The following FAM13A variants were observed in gnomAD, a reference collection of about 807,000 sequenced individuals.
The protein encoded by FAM13A is protein FAM13A.
FAM13A carries 76 observed loss-of-function variants against 129.6 expected under a neutral mutation model. The observed-to-expected ratio is 0.59, with a 90% CI of 0.49 to 0.71. FAM13A has a LOEUF of 0.71. FAM13A is among the 30% of genes least tolerant of loss of function. The pLI is 0.00. For missense variants in FAM13A, 1,108 were observed against 1,249.3 expected, an observed-to-expected ratio of 0.89 and a Z score of 1.70; for synonymous variants, 443 against 449.9, an observed-to-expected ratio of 0.98 and a Z score of 0.20.
intron 6 of FAM13A, among the ~76,000 whole-genome samples, chr4:88,878,159 G>T (rs11944041): frequency 0.27 from 41,097 of 151,496 alleles, 6,106 homozygotes; most frequent in Middle Eastern, 0.37. Flanking sequence ...GCGTGGTGGC[G>T]GGTGCCTGTA....
intron 5 of FAM13A, among the ~76,000 whole-genome samples, chr4:88,920,455 C>A (rs547829252): frequency 2.0e-5 from 3 of 152,308 alleles, no homozygotes; most frequent in Admixed American, 6.5e-5. Flanking sequence ...TGGAGTGGAC[C>A]TCTAGCAAAC....
chr4:88,970,412 G>A (rs1759913933), intron 4 of FAM13A, among the ~76,000 whole-genome samples: 1 of 150,478 alleles, frequency 6.6e-6, no homozygotes, highest in Non-Finnish European at 1.5e-5. Context: ...TAAAGGTCTT[G>A]GAAACAAGAG....
intron 7 of FAM13A, among the ~76,000 whole-genome samples, chr4:88,821,599 T>C (rs909378200): frequency 6.6e-6 from 1 of 152,170 alleles, no homozygotes; most frequent in Non-Finnish European, 1.5e-5. Context: ...AATATTCTTA[T>C]CTAGAATACA....
chr4:89,046,868 A>T (rs1770923204), intron 1 of FAM13A, among the ~76,000 whole-genome samples: 1 of 152,182 alleles, frequency 6.6e-6, no homozygotes, highest in African/African-American at 2.4e-5. Context: ...AAAGAAAAGT[A>T]ACTCAAAGAG....
intron 3 of FAM13A, among the ~76,000 whole-genome samples, chr4:89,015,582 TA>T (rs1330657287): frequency 6.6e-6 from 1 of 152,256 alleles, no homozygotes; most frequent in African/African-American, 2.4e-5. Flanking sequence ...CTGCCTGTGA[TA>T]AAATTTATTT....
chr4:89,017,474 G>C (rs1274010525), intron 3 of FAM13A, among the ~76,000 whole-genome samples: 2 of 151,726 alleles, frequency 1.3e-5, no homozygotes, highest in East Asian at 3.9e-4. Flanking sequence ...TCTATAAATA[G>C]TAATAAAAAT....
At chr4:88,822,316 T>C (rs954933950) in intron 7 of FAM13A, among the ~76,000 whole-genome samples, 3 of 152,126 alleles carry the variant, frequency 2.0e-5, no homozygotes, top group African/African-American at 4.8e-5. Context: ...TGTTTAAATT[T>C]ACCTTTCTCT....
intron 3 of FAM13A, among the ~76,000 whole-genome samples, chr4:88,998,762 A>T (rs1763875905): frequency 6.6e-6 from 1 of 152,186 alleles, no homozygotes; most frequent in African/African-American, 2.4e-5. Context: ...ACAGAATCAG[A>T]CTGGGTTTTA....
intron 4 of FAM13A, among the ~76,000 whole-genome samples, chr4:88,942,199 A>G (rs747735484): frequency 1.3e-5 from 2 of 152,192 alleles, no homozygotes; most frequent in Non-Finnish European, 2.9e-5. Context: ...ACTGTTTTCT[A>G]AGAGGTGCAC....
At position 88,744,676 on chromosome 4, in the gene FAM13A, C is replaced by A. The variant is rs137951555; in HGVS notation, c.2466+2256G>T. ...TCTAAGAAGAGTGTTGTCCGCATGGCATTTACAGTCCAGGGTCCATGGTAA... is the reference window on the plus strand; with the variant it reads ...TCTAAGAAGAGTGTTGTCCGCATGGAATTTACAGTCCAGGGTCCATGGTAA... On this transcript the variant is annotated intron_variant, in intron 19 of 23. Coordinates refer to ENST00000264344, the MANE Select transcript of FAM13A (RefSeq NM_014883.4). Among the ~76,000 whole-genome samples, 12 of 152,256 alleles carry A rather than the reference C, an allele frequency of 7.9e-5. No homozygotes were observed. In the East Asian group the frequency reaches 2.3e-3, roughly 29 times the overall value.
intron 6 of FAM13A, among the ~76,000 whole-genome samples, chr4:88,887,384 T>C (rs1222178507): frequency 6.6e-6 from 1 of 152,200 alleles, no homozygotes; most frequent in Non-Finnish European, 1.5e-5. Flanking sequence ...AAATATTCCA[T>C]AATGAGCTCA....
chr4:88,863,420 T>C (rs1739851392), intron 6 of FAM13A, among the ~76,000 whole-genome samples: 1 of 152,200 alleles, frequency 6.6e-6, no homozygotes, highest in African/African-American at 2.4e-5. Flanking sequence ...ATCTCTTTCA[T>C]TTGGCTGTTC....
At chr4:88,772,866 T>C (rs1338780928) in intron 11 of FAM13A, among the ~76,000 whole-genome samples, 1 of 152,220 alleles carries the variant, frequency 6.6e-6, no homozygotes, top group Non-Finnish European at 1.5e-5. Flanking sequence ...CTAGTGAATA[T>C]GTATAGCCTT....
intron 6 of FAM13A, among the ~76,000 whole-genome samples, chr4:88,865,408 A>G (rs1433099708): frequency 6.6e-6 from 1 of 151,944 alleles, no homozygotes; most frequent in East Asian, 1.9e-4. Flanking sequence ...TGCAGACAGT[A>G]AATAGTTTAT....
intron 6 of FAM13A, among the ~76,000 whole-genome samples, chr4:88,853,545 C>A (rs1737981786): frequency 6.6e-6 from 1 of 152,136 alleles, no homozygotes; most frequent in Non-Finnish European, 1.5e-5. Flanking sequence ...AGATTTCAAA[C>A]TAATTAGCCA....
At chr4:88,892,631 T>G (rs1480267749) in intron 6 of FAM13A, among the ~76,000 whole-genome samples, 1 of 152,232 alleles carries the variant, frequency 6.6e-6, no homozygotes, top group Non-Finnish European at 1.5e-5. Flanking sequence ...ATAATTATTT[T>G]TTTAAGTGCC....
intron 4 of FAM13A, among the ~76,000 whole-genome samples, chr4:88,964,659 ACT>A (rs1759108870): frequency 7.2e-6 from 1 of 137,960 alleles, no homozygotes; most frequent in African/African-American, 2.7e-5. Flanking sequence ...TTGGAGTCTC[ACT>A]CTGTCACCCA....
intron 1 of FAM13A, among the ~76,000 whole-genome samples, chr4:89,045,474 C>T (rs1296451844): frequency 6.6e-6 from 1 of 152,146 alleles, no homozygotes; most frequent in Non-Finnish European, 1.5e-5. Flanking sequence ...TATTTAAAGA[C>T]ATAATTCACA....
At chr4:88,873,294 C>T (rs1283766442) in intron 6 of FAM13A, among the ~76,000 whole-genome samples, 3 of 151,984 alleles carry the variant, frequency 2.0e-5, no homozygotes, top group Non-Finnish European at 2.9e-5. Flanking sequence ...AAAATCAGAG[C>T]AGAACTGAAG....
Sources: allele counts gnomAD v4.1 joint callset (sites outside exome capture counted in the v4.1 genomes callset), GRCh38; gene constraint gnomAD v4.1.1; transcripts MANE v1.5; gene names NCBI Gene and HGNC (gene_info 2026-07-23, HGNC 2026-07-21).